Variants in EBF2 observed in about 807,000 individuals in gnomAD.
EBF2 encodes the protein transcription factor COE2.
In EBF2, 21 loss-of-function variants were observed where a neutral mutation model predicts 72.8. The observed-to-expected ratio is 0.29, with a 90% confidence interval of 0.20 to 0.42. The LOEUF (loss-of-function observed/expected upper bound fraction) is 0.42, where lower values mean the gene tolerates loss of function less well. Ranked by LOEUF, EBF2 falls within the 10% of genes least tolerant of loss-of-function variation. The pLI is 1.00. For synonymous variants in EBF2, 299 were observed against 274.2 expected, an observed-to-expected ratio of 1.09 and a Z score of -0.89; for missense variants, 637 against 731.2, an observed-to-expected ratio of 0.87 and a Z score of 1.49.
chr8:25,902,110 A>G (rs1430124672), intron 7 of EBF2, among the ~76,000 whole-genome samples: 1 of 152,226 alleles, frequency 6.6e-6, no homozygotes, highest in Non-Finnish European at 1.5e-5. Flanking sequence ...TGAATTAGCA[A>G]CAATAAGCTC....
chr8:25,995,872 T>C (rs1369847128), intron 6 of EBF2, among the ~76,000 whole-genome samples: 1 of 151,936 alleles, frequency 6.6e-6, no homozygotes, highest in East Asian at 1.9e-4. Context: ...TAAATATAAA[T>C]AAATTACATC....
intron 6 of EBF2, among the ~76,000 whole-genome samples, chr8:26,019,605 G>A (rs964768581): frequency 7.2e-5 from 11 of 152,176 alleles, no homozygotes; most frequent in African/African-American, 2.4e-4. Context: ...TGACTAGACA[G>A]CAGCTGAGCC....
rs1019579844 is a variant in EBF2, at chr8:26,004,535, C to T, written c.551+28550G>A. On this transcript the variant is annotated intron_variant, in intron 6 of 15. Transcript: ENST00000520164. ...ACTAAAAATACAAAAACTAGCTGGGCGTGGTGGCATACGCCTGTAGTCCCA... is the reference window on the plus strand; with the variant it reads ...ACTAAAAATACAAAAACTAGCTGGGTGTGGTGGCATACGCCTGTAGTCCCA... 3.3e-5 allele frequency among the ~76,000 whole-genome samples: 5 copies of T among 151,798 alleles called. No individual in the cohort carries two copies. The South Asian group carries it at 8.3e-4, about 25-fold the overall frequency.
At position 25,867,662 on chromosome 8, in the gene EBF2, A is replaced by G. The variant is rs951624103; in HGVS notation, c.1010-4865T>C. Among the ~76,000 whole-genome samples the G allele has an allele frequency of 3.3e-5, 5 of 152,202 alleles. No individual in the cohort carries two copies. The East Asian group carries it at 9.6e-4, about 29-fold the overall frequency. On this transcript the variant is annotated intron_variant, in intron 10 of 15. Transcript: ENST00000520164. Reference sequence around the variant, plus strand: ...CTCCATGATTTCCACATGCAGCTACATGCTAATCGTCATAAATCTTGATCT... The same window carrying G: ...CTCCATGATTTCCACATGCAGCTACGTGCTAATCGTCATAAATCTTGATCT...
At chr8:25,888,404 G>C (rs1331359558) in intron 8 of EBF2, among the ~76,000 whole-genome samples, 1 of 152,158 alleles carries the variant, frequency 6.6e-6, no homozygotes, top group African/African-American at 2.4e-5. Context: ...TGACCATTAT[G>C]TATGAAAAAG....
In EBF2 at chr8:25,883,056, C is replaced by A. The variant is rs78983966; in HGVS notation, c.1009+3699G>T. 1.4e-3 allele frequency among the ~76,000 whole-genome samples: 211 copies of A among 152,330 alleles called. 2 individuals are homozygous for A. The East Asian group carries it at 0.024, about 18-fold the overall frequency. ...ATTCAACAGGCAATTACTAGCAAATCACTTCTGCTTAGGTTTCAGTTTTCT... is the reference window on the plus strand; with the variant it reads ...ATTCAACAGGCAATTACTAGCAAATAACTTCTGCTTAGGTTTCAGTTTTCT... On this transcript the variant is annotated intron_variant, in intron 10 of 15. Coordinates refer to ENST00000520164, the MANE Select transcript of EBF2 (RefSeq NM_022659.4).
At chr8:25,980,418 G>T (rs1001697946) in intron 6 of EBF2, among the ~76,000 whole-genome samples, 1 of 151,946 alleles carries the variant, frequency 6.6e-6, no homozygotes, top group Admixed American at 6.6e-5. Flanking sequence ...AATGGTAAGC[G>T]TGCTGTAAAG....
chr8:25,890,168 C>T (rs1304079595), intron 7 of EBF2, among the ~76,000 whole-genome samples: 1 of 152,172 alleles, frequency 6.6e-6, no homozygotes, highest in African/African-American at 2.4e-5. Flanking sequence ...TATCAAAAGA[C>T]CTGGACCGCC....
Position 25,940,633 on chromosome 8 carries a change from TA to T in EBF2, c.552-32079del, listed in dbSNP as rs111367567. Among the ~76,000 whole-genome samples the T allele has an allele frequency of 1.3e-3, 181 of 138,062 alleles. 1 individual carries two copies. Among genetic ancestry groups the T allele is most frequent in the African/African-American group, 3.6e-3 (139 of 38,266 alleles). The allele number at this position is 138,062 out of a possible 152,430, so 90.6% of individuals were successfully genotyped here. ...AAAATGAAAAAATTAAAAAAAAAAA[TA>T]AAAAAAAAACCACAAAACCAAGGCT... On this transcript the variant is annotated intron_variant, in intron 6 of 15. Transcript: ENST00000520164.
intron 6 of EBF2, among the ~76,000 whole-genome samples, chr8:25,971,725 C>A (rs762162736): frequency 6.6e-6 from 1 of 152,144 alleles, no homozygotes; most frequent in Non-Finnish European, 1.5e-5. Flanking sequence ...ATAGATACAC[C>A]TTTTTGTGTT....
At chr8:25,878,230 A>C (rs1197525256) in intron 10 of EBF2, among the ~76,000 whole-genome samples, 1 of 152,164 alleles carries the variant, frequency 6.6e-6, no homozygotes. Flanking sequence ...AACCAGAATG[A>C]CTTTTTGTCC....
At chr8:25,849,949 G>C (rs1677939817) in intron 15 of EBF2, among the ~76,000 whole-genome samples, 1 of 152,094 alleles carries the variant, frequency 6.6e-6, no homozygotes. Context: ...GCACCATGTG[G>C]TATCCCCTGG....
intron 7 of EBF2, among the ~76,000 whole-genome samples, chr8:25,904,639 T>C (rs566238345): frequency 1.3e-5 from 2 of 152,208 alleles, no homozygotes; most frequent in Non-Finnish European, 2.9e-5. Flanking sequence ...GTGAGATACA[T>C]ACTCTAGGAA....
At chr8:25,889,104 G>T (rs1802736234) in intron 8 of EBF2, among the ~76,000 whole-genome samples, 3 of 152,158 alleles carry the variant, frequency 2.0e-5, no homozygotes, top group Non-Finnish European at 2.9e-5. Flanking sequence ...CACTAAAATA[G>T]TAGCCTAGTT....
At chr8:25,973,023 G>C (rs1343733902) in intron 6 of EBF2, among the ~76,000 whole-genome samples, 2 of 151,884 alleles carry the variant, frequency 1.3e-5, no homozygotes, top group Non-Finnish European at 2.9e-5. Flanking sequence ...TTCTACCCTG[G>C]GCTCTAGCTG....
chr8:26,009,112 A>G (rs1480579182), intron 6 of EBF2, among the ~76,000 whole-genome samples: 2 of 3,264 alleles, frequency 6.1e-4, no homozygotes, highest in African/African-American at 1.2e-3. Flanking sequence ...AAAGCGAAAA[A>G]AAAAAAAAAA....
rs774411286 is a variant in EBF2, at chr8:25,930,110, G to A, written c.552-21555C>T. On this transcript the variant is annotated intron_variant, in intron 6 of 15. Coordinates refer to ENST00000520164, the MANE Select transcript of EBF2 (RefSeq NM_022659.4). ...CTGAAATGTTTGGGTGTGACATCAC[G>A]TTGTGGCAGGGACACATGGACTTCT... 5.3e-5 allele frequency among the ~76,000 whole-genome samples: 8 copies of A among 152,154 alleles called. No individual in the cohort carries two copies. In the South Asian group the frequency reaches 8.3e-4, roughly 16 times the overall value.
intron 6 of EBF2, among the ~76,000 whole-genome samples, chr8:26,002,492 T>A (rs1461310425): frequency 6.6e-6 from 1 of 152,160 alleles, no homozygotes; most frequent in Non-Finnish European, 1.5e-5. Flanking sequence ...ACAGCGCCAG[T>A]TCTTCGGCAA....
At chr8:25,860,974 C>A (rs1802202029) in intron 13 of EBF2, 75 bp downstream of exon 13, 8 of 1,562,946 alleles carry the variant, frequency 5.1e-6, no homozygotes, top group South Asian at 2.2e-5. Context: ...TATGACCCAA[C>A]CTCTGACTCT....
Sources: gnomAD v4.1 joint callset for allele counts (sites outside exome capture counted in the v4.1 genomes callset) on GRCh38, gnomAD v4.1.1 for gene constraint, MANE v1.5 for transcripts, NCBI Gene and HGNC (gene_info 2026-07-23, HGNC 2026-07-21) for gene names.